Variants in FOXP2 observed in about 807,000 individuals in gnomAD.
FOXP2 encodes the protein forkhead box protein P2.
In FOXP2, 12 loss-of-function variants were observed where a neutral mutation model predicts 115.8. The ratio of observed to expected loss-of-function variants is 0.10; its 90% CI spans 0.07 to 0.17. The LOEUF is 0.17. Among genes scored for constraint, FOXP2 ranks in the 10% least tolerant of loss-of-function variants. The pLI is 1.00. For missense variants in FOXP2, 629 were observed against 843.5 expected, an observed-to-expected ratio of 0.75 and a Z score of 3.15; for synonymous variants, 328 against 297.7, an observed-to-expected ratio of 1.10 and a Z score of -1.05.
At chr7:114,118,062 G>A (rs1791456876) in intron 1 of FOXP2, among the ~76,000 whole-genome samples, 1 of 152,120 alleles carries the variant, frequency 6.6e-6, no homozygotes, top group Non-Finnish European at 1.5e-5. Context: ...TGAATGTTGA[G>A]GGGTCACATT....
At chr7:114,682,796 AG>A (rs1361700968) in intron 16 of FOXP2, among the ~76,000 whole-genome samples, 6 of 152,166 alleles carry the variant, frequency 3.9e-5, no homozygotes, top group Non-Finnish European at 7.4e-5. Context: ...GAAAACATGG[AG>A]CACTTTGAGA....
intron 1 of FOXP2, among the ~76,000 whole-genome samples, chr7:114,106,958 A>C (rs566334316): frequency 2.0e-5 from 3 of 152,040 alleles, no homozygotes; most frequent in Non-Finnish European, 4.4e-5. Flanking sequence ...TATGTTTTAT[A>C]AGCAGTTTAA....
chr7:114,496,581 A>G (rs1261675367), intron 2 of FOXP2, among the ~76,000 whole-genome samples: 3 of 152,168 alleles, frequency 2.0e-5, no homozygotes, highest in Non-Finnish European at 2.9e-5. Flanking sequence ...TGAACAAAAG[A>G]TAATAATCAT....
chr7:114,626,553 GTCTC>G (rs140501495), intron 3 of FOXP2, among the ~76,000 whole-genome samples: 18,622 of 135,904 alleles, frequency 0.14, 1,311 homozygotes, highest in Middle Eastern at 0.2. Flanking sequence ...CTCTCTCTCT[GTCTC>G]TCTCTCTATA....
chr7:114,655,087 C>T (rs185053632), intron 10 of FOXP2, among the ~76,000 whole-genome samples: 274 of 152,092 alleles, frequency 1.8e-3, no homozygotes, highest in African/African-American at 6.3e-3. Flanking sequence ...ATCTGACATA[C>T]TACTTTTTAA....
chr7:114,268,148 A>C (rs1795943599), intron 1 of FOXP2, among the ~76,000 whole-genome samples: 1 of 152,178 alleles, frequency 6.6e-6, no homozygotes, highest in South Asian at 2.1e-4. Flanking sequence ...ATATGTCAGA[A>C]TTTCTTTTTT....
intron 1 of FOXP2, among the ~76,000 whole-genome samples, chr7:114,252,942 T>G (rs1485754587): frequency 2.0e-5 from 3 of 152,314 alleles, no homozygotes; most frequent in East Asian, 3.9e-4. Context: ...TGCTATAAAT[T>G]TCCCTCTACA....
intron 1 of FOXP2, among the ~76,000 whole-genome samples, chr7:114,287,275 A>AAGTC (rs1241004722): frequency 6.6e-6 from 1 of 151,994 alleles, no homozygotes; most frequent in African/African-American, 2.4e-5. Flanking sequence ...AACTGCAAAA[A>AAGTC]GTCTCATAAT....
chr7:114,535,322 G>A (rs1459865854), intron 3 of FOXP2, among the ~76,000 whole-genome samples: 1 of 150,792 alleles, frequency 6.6e-6, no homozygotes, highest in Non-Finnish European at 1.5e-5. Flanking sequence ...ACCAAAATAT[G>A]TGGGACATTT....
At chr7:114,611,194 T>C (rs540602952) in intron 3 of FOXP2, among the ~76,000 whole-genome samples, 1 of 152,350 alleles carries the variant, frequency 6.6e-6, no homozygotes, top group African/African-American at 2.4e-5. Context: ...TGGGAATATG[T>C]GAAATTTGTT....
At chr7:114,627,309 G>A (rs1214600361) in intron 3 of FOXP2, among the ~76,000 whole-genome samples, 1 of 151,818 alleles carries the variant, frequency 6.6e-6, no homozygotes, top group African/African-American at 2.4e-5. Flanking sequence ...AAGACATGTT[G>A]CCCAATAAAT....
intron 2 of FOXP2, among the ~76,000 whole-genome samples, chr7:114,347,148 T>C (rs1244140119): frequency 6.6e-6 from 1 of 151,988 alleles, no homozygotes; most frequent in African/African-American, 2.4e-5. Context: ...TTGTAAATAT[T>C]GTTTATGAAA....
At chr7:114,210,204 A>C (rs1794308838) in intron 1 of FOXP2, among the ~76,000 whole-genome samples, 1 of 152,146 alleles carries the variant, frequency 6.6e-6, no homozygotes, top group Non-Finnish European at 1.5e-5. Flanking sequence ...TTGGAGGAGA[A>C]CAGGCACTCT....
At chr7:114,108,239 A>T (rs1010837545) in intron 1 of FOXP2, among the ~76,000 whole-genome samples, 5 of 151,834 alleles carry the variant, frequency 3.3e-5, no homozygotes, top group Non-Finnish European at 7.4e-5. Context: ...GAATTAATTG[A>T]CCTGACCATA....
intron 2 of FOXP2, among the ~76,000 whole-genome samples, chr7:114,506,580 T>C (rs956344691): frequency 2.0e-5 from 3 of 151,636 alleles, no homozygotes; most frequent in African/African-American, 4.8e-5. Context: ...TATATATATA[T>C]ACATATATAT....
chr7:114,547,342 T>G (rs1799975400), intron 3 of FOXP2, among the ~76,000 whole-genome samples: 1 of 152,194 alleles, frequency 6.6e-6, no homozygotes, highest in African/African-American at 2.4e-5. Context: ...CTACCTATTT[T>G]CTGAACAAAA....
intron 1 of FOXP2, among the ~76,000 whole-genome samples, chr7:114,203,124 A>G (rs761596878): frequency 3.3e-5 from 5 of 152,208 alleles, no homozygotes; most frequent in Non-Finnish European, 5.9e-5. Context: ...CTGAGGATTC[A>G]TTGCCAATTG....
intron 4 of FOXP2, 93 bp downstream of exon 4, chr7:114,628,770 T>A (rs1395512024): frequency 6.6e-7 from 1 of 1,514,830 alleles, no homozygotes; most frequent in East Asian, 2.3e-5. Context: ...CAATTCAGTC[T>A]CCATTTGAAA....
chr7:114,463,936 A>G (rs947422846), intron 2 of FOXP2, among the ~76,000 whole-genome samples: 2 of 152,210 alleles, frequency 1.3e-5, no homozygotes, highest in Non-Finnish European at 2.9e-5. Context: ...CAGTGTTTCT[A>G]GCTCTATTTT....
Sources: allele counts gnomAD v4.1 joint callset (sites outside exome capture counted in the v4.1 genomes callset), GRCh38; gene constraint gnomAD v4.1.1; transcripts MANE v1.5; gene names NCBI Gene and HGNC (gene_info 2026-07-23, HGNC 2026-07-21).